Variants in EDIL3 observed in about 807,000 individuals in gnomAD.
EDIL3 encodes the protein EGF-like repeat and discoidin I-like domain-containing protein 3.
Under a neutral mutation model 67.4 loss-of-function variants are expected in EDIL3, and 37 were observed. That is an observed-to-expected ratio of 0.55 (90% CI 0.42 to 0.72). The LOEUF (loss-of-function observed/expected upper bound fraction) is 0.72. Among genes scored for constraint, EDIL3 ranks in the 30% least tolerant of loss-of-function variants. The probability of loss-of-function intolerance (pLI) is 0.00; values close to 1 mark genes in which losing one functional copy is unlikely to be tolerated. For synonymous variants in EDIL3, 195 were observed against 196.3 expected (o/e 0.99, Z 0.05); for missense variants, 527 against 586.3 (o/e 0.90, Z 1.04).
At chr5:84,357,574 T>C (rs1434376333) in intron 1 of EDIL3, among the ~76,000 whole-genome samples, 1 of 152,024 alleles carries the variant, frequency 6.6e-6, no homozygotes, top group Non-Finnish European at 1.5e-5. Context: ...TTCCATTAGG[T>C]TCTTACCTTT....
At chr5:84,157,168 CT>C (rs1748508185) in intron 4 of EDIL3, among the ~76,000 whole-genome samples, 1 of 151,764 alleles carries the variant, frequency 6.6e-6, no homozygotes, top group South Asian at 2.1e-4. Flanking sequence ...TCTATACAAC[CT>C]TTTGGTTTTC....
intron 3 of EDIL3, among the ~76,000 whole-genome samples, chr5:84,190,201 T>C (rs946524987): frequency 1.3e-5 from 2 of 152,018 alleles, no homozygotes; most frequent in Non-Finnish European, 2.9e-5. Flanking sequence ...GTAAAAACTT[T>C]AGAAACCATA....
intron 6 of EDIL3, among the ~76,000 whole-genome samples, chr5:84,069,562 T>C (rs748519037): frequency 1.1e-4 from 17 of 152,180 alleles, no homozygotes; most frequent in Non-Finnish European, 1.9e-4. Flanking sequence ...TTTTGGTTTT[T>C]TTTTACATGA....
chr5:84,232,850 C>A (rs2112046787), intron 2 of EDIL3, among the ~76,000 whole-genome samples: 1 of 152,278 alleles, frequency 6.6e-6, no homozygotes, highest in South Asian at 2.1e-4. Context: ...ACATCATCAA[C>A]TATTAACAGG....
chr5:84,319,921 T>G (rs1362189523), intron 1 of EDIL3, among the ~76,000 whole-genome samples: 1 of 152,002 alleles, frequency 6.6e-6, no homozygotes, highest in Non-Finnish European at 1.5e-5. Context: ...AAACACCACA[T>G]GTTTTCACTC....
intron 9 of EDIL3, among the ~76,000 whole-genome samples, chr5:84,057,916 A>G (rs1017677486): frequency 5.3e-5 from 8 of 152,158 alleles, no homozygotes; most frequent in Non-Finnish European, 1.0e-4. Flanking sequence ...GCCTAGCATA[A>G]AAACACAATT....
chr5:84,277,163 C>T (rs559841022), intron 1 of EDIL3, among the ~76,000 whole-genome samples: 1 of 152,116 alleles, frequency 6.6e-6, no homozygotes, highest in African/African-American at 2.4e-5. Flanking sequence ...ATGTTTACAT[C>T]CCCCCAAGAT....
intron 10 of EDIL3, among the ~76,000 whole-genome samples, chr5:83,950,907 G>A (rs1031035573): frequency 1.8e-4 from 28 of 151,630 alleles, no homozygotes; most frequent in Admixed American, 1.4e-3. Context: ...TAAAGCTATC[G>A]TGCATGGTCA....
intron 1 of EDIL3, among the ~76,000 whole-genome samples, chr5:84,380,051 T>C (rs372590591): frequency 6.6e-5 from 10 of 152,014 alleles, no homozygotes; most frequent in South Asian, 2.1e-4. Context: ...AGTTTAAGTA[T>C]TTATAGTACT....
At chr5:83,956,377 G>A (rs953811669) in intron 10 of EDIL3, among the ~76,000 whole-genome samples, 1 of 151,618 alleles carries the variant, frequency 6.6e-6, no homozygotes, top group Non-Finnish European at 1.5e-5. Flanking sequence ...TTTCTGTCTT[G>A]TTTTTGACCC....
intron 3 of EDIL3, among the ~76,000 whole-genome samples, chr5:84,205,707 T>C (rs1190633500): frequency 1.3e-5 from 2 of 152,214 alleles, no homozygotes. Flanking sequence ...CGTAGAGGTG[T>C]TTGTAGTATT....
chr5:84,339,715 T>TG (rs1356049043), intron 1 of EDIL3, among the ~76,000 whole-genome samples: 1 of 152,086 alleles, frequency 6.6e-6, no homozygotes, highest in Non-Finnish European at 1.5e-5. Flanking sequence ...AACTCTAAAA[T>TG]GGACCTATTC....
chr5:84,340,536 A>C (rs4632779), intron 1 of EDIL3, among the ~76,000 whole-genome samples: 10,794 of 27,402 alleles, frequency 0.39, 766 homozygotes, highest in African/African-American at 0.45. Context: ...CTCTCTCTCT[A>C]TATATATATA....
intron 6 of EDIL3, among the ~76,000 whole-genome samples, chr5:84,101,242 T>C (rs1433953032): frequency 6.6e-6 from 1 of 152,128 alleles, no homozygotes; most frequent in African/African-American, 2.4e-5. Context: ...GCTAATTATA[T>C]ATTTTTTGTA....
At chr5:84,345,415 A>G (rs1747217611) in intron 1 of EDIL3, among the ~76,000 whole-genome samples, 1 of 152,142 alleles carries the variant, frequency 6.6e-6, no homozygotes. Context: ...AAAATAAGAT[A>G]CTCTTCCAAT....
intron 1 of EDIL3, among the ~76,000 whole-genome samples, chr5:84,340,798 TC>T (rs1296639583): frequency 3.3e-5 from 5 of 151,534 alleles, no homozygotes; most frequent in Non-Finnish European, 7.4e-5. Context: ...CTATTCTCCA[TC>T]AAATTTCAAT....
At chr5:84,217,721 A>AACACACACACACACAC (rs61264723) in intron 3 of EDIL3, among the ~76,000 whole-genome samples, 104 of 135,008 alleles carry the variant, frequency 7.7e-4, no homozygotes, top group Middle Eastern at 3.9e-3. Flanking sequence ...TATACACACA[A>AACACACACACACACAC]ACACACACAC....
intron 9 of EDIL3, among the ~76,000 whole-genome samples, chr5:84,048,740 A>T (rs906263229): frequency 5.3e-5 from 8 of 152,062 alleles, no homozygotes; most frequent in Non-Finnish European, 5.9e-5. Flanking sequence ...CAATACGGCA[A>T]TGAATACATA....
chr5:84,308,158 A>T (rs1267390303), intron 1 of EDIL3, among the ~76,000 whole-genome samples: 2 of 152,220 alleles, frequency 1.3e-5, no homozygotes, highest in African/African-American at 2.4e-5. Flanking sequence ...AGAGGAATTT[A>T]AGAAAAATCT....
Sources: allele counts gnomAD v4.1 joint callset (sites outside exome capture counted in the v4.1 genomes callset), GRCh38; gene constraint gnomAD v4.1.1; transcripts MANE v1.5; gene names NCBI Gene and HGNC (gene_info 2026-07-23, HGNC 2026-07-21).